Variants in COL7A1 observed in about 807,000 individuals in gnomAD.
COL7A1 encodes collagen alpha-1(VII) chain.
COL7A1 carries 296 observed loss-of-function variants against 456.2 expected under a neutral mutation model. The ratio of observed to expected loss-of-function variants is 0.65; its 90% CI spans 0.59 to 0.71. The LOEUF (loss-of-function observed/expected upper bound fraction) is 0.71. Among genes scored for constraint, COL7A1 ranks in the 30% least tolerant of loss-of-function variants. The pLI is 0.00. For synonymous variants in COL7A1, 1,464 were observed against 1,525.9 expected (o/e 0.96, Z 0.95); for missense variants, 3,441 against 4,017.2 (o/e 0.86, Z 3.88).
chr3:48,594,281 C>T lies in COL7A1; in HGVS notation c.266+87G>A. 2 of 1,513,874 alleles carry T rather than the reference C, an allele frequency of 1.3e-6. No individual in the cohort carries two copies. The highest frequency in any genetic ancestry group is 2.3e-5 in the South Asian group (2 of 87,892). The allele number at this position is 1,513,874 out of a possible 1,614,324, so 93.8% of individuals were successfully genotyped here. ...AAAACTTGTTTCTGCAAAGACCTGG[C>T]CTGGGGTTTCCAGGGTCTCCTCCCT... On this transcript the variant is annotated intron_variant, in intron 3 of 118. Transcript: ENST00000681320. This position sits in a 1 kb window ranked among gnomAD's most constrained non-coding sequence, Gnocchi z 5.5.
chr3:48,566,674 C>T lies in COL7A1; in HGVS notation c.8290G>A (p.Glu2764Lys), dbSNP rs141883531. 1.5e-5 allele frequency: 24 copies of T among 1,614,014 alleles called. No individual in the cohort carries two copies. The highest frequency in any genetic ancestry group is 5.0e-5 in the Admixed American group (3 of 60,000). ...TCCCTACTCACCTGCTCCCCTCTCT[C>T]GCCAGGAGCTCCAGGGACCCCAGGA... ...GAPGVPGAPG[E>K]RGEQGRPGPA... The change falls in exon 112 of 119, where the codon GAG (glutamate) becomes AAG (lysine). Residue 2764 changes from glutamate to lysine, a missense_variant. This residue lies in a region of COL7A1 where 2,084 missense variants were observed against 2,501.3 expected (regional missense o/e 0.83). Coordinates refer to ENST00000681320, the MANE Select transcript of COL7A1 (RefSeq NM_000094.4). This position sits in a 1 kb window ranked among gnomAD's most constrained non-coding sequence, Gnocchi z 5.9.
In COL7A1 at chr3:48,565,582, T is replaced by C. The variant is rs2043568179; in HGVS notation, c.8440+54A>G. The C allele has an allele frequency of 6.2e-6, 10 of 1,613,856 alleles. No homozygotes were observed. The highest frequency in any genetic ancestry group is 8.5e-6 in the Non-Finnish European group (10 of 1,179,900). On this transcript the variant is annotated intron_variant, in intron 115 of 118. Transcript: ENST00000681320. This position sits in a 1 kb window ranked among gnomAD's most constrained non-coding sequence, Gnocchi z 4.5. The stretch of plus-strand genomic sequence containing the variant: ...ACCCCCCTGAGAGGACCCCAGTTGA[T>C]AGGCAGGGCAGGGCCTGGGGTGAAG...
In COL7A1 at chr3:48,573,041, G is replaced by C. The variant is rs772457877; in HGVS notation, c.6730C>G (p.Pro2244Ala). 2.3e-5 allele frequency: 37 copies of C among 1,613,990 alleles called. No homozygotes were observed. In the Admixed American group the frequency reaches 6.2e-4, roughly 27 times the overall value. ...PSGLVGPQGS[P>A]GLPGQVGETG... is the part of the protein sequence containing the mutation. ...CTCACCACTTGTCCAGGCAAACCTG[G>C]AGACCCCTGTGGACCCTGACGGAGA... The change falls in exon 86 of 119, where the codon CCA becomes GCA. Residue 2244 changes from proline to alanine, a missense_variant. Physicochemically the swap from Pro to Ala is conservative, Grantham distance 27 (BLOSUM62 -1). Transcript: ENST00000681320. This position sits in a 1 kb window ranked among gnomAD's most constrained non-coding sequence, Gnocchi z 5.5.
At chr3:48,577,938 C>T (rs370306552) in intron 65 of COL7A1, among the ~76,000 whole-genome samples, 1 of 152,158 alleles carries the variant, frequency 6.6e-6, no homozygotes, top group East Asian at 1.9e-4. Context: ...GAGGCCGAGG[C>T]GGGCGGATCA....
rs1422757569 is a variant in COL7A1 at position 48,589,652 on chromosome 3, C to T, written c.2117G>A (p.Trp706Ter). ...QASSSSVTIT[W>*]TRVPGATGYR... ...TCCTGTGGCGCCAGGAACCCTGGTC[C>T]AGGTAATGGTGACAGATGAGCTGCT... is the stretch of plus-strand genomic sequence containing the variant. Residue 706 changes from tryptophan (W) to a stop codon, truncating the protein, a stop_gained, in exon 17 of 119, where the codon TGG (tryptophan) becomes TAG (stop). Coordinates refer to ENST00000681320, the MANE Select transcript of COL7A1 (RefSeq NM_000094.4). LOFTEE classifies it high-confidence loss of function. The T allele has an allele frequency of 6.2e-7, 1 of 1,613,900 alleles. No homozygotes were observed. The highest frequency in any genetic ancestry group is 8.5e-7 in the Non-Finnish European group (1 of 1,180,020).
Position 48,579,893 on chromosome 3 carries a change from G to A in COL7A1, c.5125-79C>T, listed in dbSNP as rs1331149536. The A allele has an allele frequency of 5.0e-6, 8 of 1,609,658 alleles. No homozygotes were observed. The highest frequency in any genetic ancestry group is 6.8e-6 in the Non-Finnish European group (8 of 1,176,158). ...GGCGAGGGGATACAGGGTCTGTGAGGGGCTCCAGGGATCCGCGGAGGTTTC... is the reference window on the plus strand; with the variant it reads ...GGCGAGGGGATACAGGGTCTGTGAGAGGCTCCAGGGATCCGCGGAGGTTTC... On this transcript the variant is annotated intron_variant, in intron 57 of 118. Coordinates refer to ENST00000681320, the MANE Select transcript of COL7A1 (RefSeq NM_000094.4). This position sits in a 1 kb window ranked among gnomAD's most constrained non-coding sequence, Gnocchi z 4.4.
At position 48,571,066 on chromosome 3, in the gene COL7A1, C is replaced by T; in HGVS notation, c.7164+35G>A. On this transcript the variant is annotated intron_variant, in intron 94 of 118. Coordinates refer to ENST00000681320, the MANE Select transcript of COL7A1 (RefSeq NM_000094.4). This position sits in a 1 kb window ranked among gnomAD's most constrained non-coding sequence, Gnocchi z 4.6. The stretch of plus-strand genomic sequence containing the variant: ...CTTCCTCCTGTGGGGGCCCGGCCTG[C>T]TGCCCCTACAACTGGTGATGGGGCA... 6.2e-7 allele frequency: 1 copy of T among 1,612,632 alleles called. No homozygotes were observed. Among genetic ancestry groups the T allele is most frequent in the Non-Finnish European group, 8.5e-7 (1 of 1,178,832 alleles).
Position 48,594,249 on chromosome 3 carries a change from G to A in COL7A1, c.266+119C>T. 8.2e-7 allele frequency: 1 copy of A among 1,222,376 alleles called. No homozygotes were observed. The highest frequency in any genetic ancestry group is 1.3e-5 in the South Asian group (1 of 74,210). The allele number at this position is 1,222,376 out of a possible 1,614,324, so 75.7% of individuals were successfully genotyped here. On this transcript the variant is annotated intron_variant, in intron 3 of 118. Coordinates refer to ENST00000681320, the MANE Select transcript of COL7A1 (RefSeq NM_000094.4). The surrounding 1 kb of genome is among the most constrained non-coding windows in gnomAD (Gnocchi z 5.5). ...GAGGTCCTGGCTAGGGGGTCTCTAG[G>A]TTCCCCAAAACTTGTTTCTGCAAAG...
chr3:48,565,542 C>T lies in COL7A1; in HGVS notation c.8441-46G>A, dbSNP rs778629867. On this transcript the variant is annotated intron_variant, in intron 115 of 118. Transcript: ENST00000681320. This position sits in a 1 kb window ranked among gnomAD's most constrained non-coding sequence, Gnocchi z 4.5. ...CTCAGGGCCCTGAAGTCACCATGGG[C>T]AGCCATCCCAGCCAACCCCCCTGAG... is the stretch of plus-strand genomic sequence containing the variant. The T allele has an allele frequency of 6.2e-7, 1 of 1,613,544 alleles. No individual in the cohort carries two copies. Among genetic ancestry groups the T allele is most frequent in the Non-Finnish European group, 8.5e-7 (1 of 1,179,502 alleles).
chr3:48,589,257 C>T, intron 18 of COL7A1, 70 bp downstream of exon 18: 4 of 1,603,056 alleles, frequency 2.5e-6, no homozygotes, highest in Non-Finnish European at 2.6e-6. Flanking sequence ...GGCAGCTGGG[C>T]AATCAGGAAC....
Position 48,584,480 on chromosome 3 carries a change from C to G in COL7A1, c.4119+5G>C, listed in dbSNP as rs1355907937. Reference sequence around the variant, plus strand: ...ATCACTTGCCTCCACATACCCTGCACTTACCGATGGTCCAGGGTCCCCTTT... The same window carrying G: ...ATCACTTGCCTCCACATACCCTGCAGTTACCGATGGTCCAGGGTCCCCTTT... On this transcript the variant is annotated splice_donor_5th_base_variant and intron_variant, in intron 36 of 118. Transcript: ENST00000681320. 6.2e-7 allele frequency: 1 copy of G among 1,613,906 alleles called. No individual in the cohort carries two copies. Among genetic ancestry groups the G allele is most frequent in the African/African-American group, 1.3e-5 (1 of 74,898 alleles).
Position 48,566,385 on chromosome 3 carries a change from C to T in COL7A1, c.8359-70G>A, listed in dbSNP as rs1427497224. The T allele has an allele frequency of 8.1e-6, 13 of 1,603,972 alleles. No individual in the cohort carries two copies. Among genetic ancestry groups the T allele is most frequent in the Non-Finnish European group, 1.1e-5 (13 of 1,173,050 alleles). ...CAGGAAGGACATAGGGCACATAATA[C>T]AGGGACTATGGTGAGACTGCATGGA... On this transcript the variant is annotated intron_variant, in intron 113 of 118. Transcript: ENST00000681320. This position sits in a 1 kb window ranked among gnomAD's most constrained non-coding sequence, Gnocchi z 5.9.
chr3:48,568,819 CG>C lies in COL7A1; in HGVS notation c.7722del (p.Leu2576CysfsTer55). The part of the protein sequence containing the change: ...SKGEPGDKGS[A>X]GLPGLRGLLG... ...AGGAGTCCACGCAGTCCTGGCAACC[CG>C]GCTGAGCCCTTGTCACCAGGCTCTC... On this transcript the variant is annotated frameshift_variant, in exon 104 of 119. Coordinates refer to ENST00000681320, the MANE Select transcript of COL7A1 (RefSeq NM_000094.4). LOFTEE classifies it high-confidence loss of function. The surrounding 1 kb of genome is among the most constrained non-coding windows in gnomAD (Gnocchi z 5.2). The C allele has an allele frequency of 6.3e-7, 1 of 1,576,276 alleles. No homozygotes were observed.
At position 48,583,162 on chromosome 3, in the gene COL7A1, C is replaced by G; in HGVS notation, c.4447G>C (p.Gly1483Arg). 6.2e-7 allele frequency: 1 copy of G among 1,613,848 alleles called. No homozygotes were observed. Among genetic ancestry groups the G allele is most frequent in the Non-Finnish European group, 8.5e-7 (1 of 1,179,976 alleles). The change falls in exon 43 of 119, where the codon GGC becomes CGC. Residue 1483 changes from glycine (G) to arginine (R), a missense_variant. Around this residue, in one of 3 missense-constraint regions of COL7A1, gnomAD observed 2,084 missense variants for 2,501.3 expected, o/e 0.83. Coordinates refer to ENST00000681320, the MANE Select transcript of COL7A1 (RefSeq NM_000094.4). The surrounding 1 kb of genome is among the most constrained non-coding windows in gnomAD (Gnocchi z 5.1). The part of the protein sequence containing the change: ...PGAIGPKGDR[G>R]FPGPLGEAGE... ...GCCTCACCCAGGGGCCCTGGAAAGC[C>G]CCGGTCACCCTGAAGAGAGAGGGTG...
Position 48,578,603 on chromosome 3 carries a change from T to C in COL7A1, c.5425-88A>G. On this transcript the variant is annotated intron_variant, in intron 63 of 118. Coordinates refer to ENST00000681320, the MANE Select transcript of COL7A1 (RefSeq NM_000094.4). The surrounding 1 kb of genome is among the most constrained non-coding windows in gnomAD (Gnocchi z 4.7). The stretch of plus-strand genomic sequence containing the variant: ...GGACTAAGAGGACCCCAAAAAGATC[T>C]CCCTCCAGGGTAGAGACCCCCAGGA... 6.9e-7 allele frequency: 1 copy of C among 1,449,770 alleles called. No individual in the cohort carries two copies. The highest frequency in any genetic ancestry group is 9.6e-7 in the Non-Finnish European group (1 of 1,041,050). The allele number at this position is 1,449,770 out of a possible 1,614,324, so 89.8% of individuals were successfully genotyped here.
chr3:48,578,252 G>T lies in COL7A1; in HGVS notation c.5532+69C>A. The T allele has an allele frequency of 1.9e-6, 3 of 1,575,834 alleles. No homozygotes were observed. The highest frequency in any genetic ancestry group is 1.1e-5 in the South Asian group (1 of 89,608). On this transcript the variant is annotated intron_variant, in intron 65 of 118. Transcript: ENST00000681320. This position sits in a 1 kb window ranked among gnomAD's most constrained non-coding sequence, Gnocchi z 4.7. Reference sequence around the variant, plus strand: ...CACGTGTGCCTCATGTGTTGCTACAGATCTTGGCTGTGTAGGTGTGCTGGC... The same window carrying T: ...CACGTGTGCCTCATGTGTTGCTACATATCTTGGCTGTGTAGGTGTGCTGGC...
Position 48,564,111 on chromosome 3 carries a change from G to C in COL7A1, c.*295C>G. ...GCAGCTTTAATGCCCCCCAGAATCA[G>C]CACCATGTCATCACAGGCTTGGGTC... On this transcript the variant is annotated 3_prime_UTR_variant, in exon 119 of 119. Transcript: ENST00000681320. This position sits in a 1 kb window ranked among gnomAD's most constrained non-coding sequence, Gnocchi z 6.0. 1 of 523,808 alleles carries C rather than the reference G, an allele frequency of 1.9e-6. No homozygotes were observed. Among genetic ancestry groups the C allele is most frequent in the Non-Finnish European group, 3.5e-6 (1 of 286,316 alleles). 32.4% of individuals were successfully genotyped at this position (523,808 alleles called of 1,614,324 possible).
chr3:48,576,378 GTGGAA>G lies in COL7A1; in HGVS notation c.5772+17_5772+21del. On this transcript the variant is annotated intron_variant, in intron 70 of 118. Coordinates refer to ENST00000681320, the MANE Select transcript of COL7A1 (RefSeq NM_000094.4). Reference sequence around the variant, plus strand: ...GTGGGTGCTGTGGCTACCTGGGCATGTGGAAAAGGTGGGGGCCTCACCTGCTCCCC... The same window carrying G: ...GTGGGTGCTGTGGCTACCTGGGCATGAAGGTGGGGGCCTCACCTGCTCCCC... 6.2e-7 allele frequency: 1 copy of G among 1,613,910 alleles called. No individual in the cohort carries two copies. Among genetic ancestry groups the G allele is most frequent in the Non-Finnish European group, 8.5e-7 (1 of 1,180,024 alleles).
At position 48,592,163 on chromosome 3, in the gene COL7A1, C is replaced by G. The variant is rs1401785974; in HGVS notation, c.1179G>C (p.Val393=). The G allele has an allele frequency of 5.0e-6, 8 of 1,614,124 alleles. No homozygotes were observed. The South Asian group carries it at 8.8e-5, about 18-fold the overall frequency. The change falls in exon 10 of 119, where the codon GTG becomes GTC. Residue 393 remains valine, a synonymous_variant. Transcript: ENST00000681320. This position sits in a 1 kb window ranked among gnomAD's most constrained non-coding sequence, Gnocchi z 7.6. ...RDLEPGTDYE[V]TVSTLFGRSV... is the part of the protein sequence containing the mutation. ...TGCGGCCAAATAGGGTGCTCACGGTCACCTCATAGTCCGTGCCAGGCTCCA... is the reference window on the plus strand; with the variant it reads ...TGCGGCCAAATAGGGTGCTCACGGTGACCTCATAGTCCGTGCCAGGCTCCA...
Sources: allele counts gnomAD v4.1 joint callset (sites outside exome capture counted in the v4.1 genomes callset), GRCh38; gene constraint gnomAD v4.1.1; regional missense constraint gnomAD v4.1.1; non-coding constraint Gnocchi (gnomAD v3.1); transcripts MANE v1.5; gene names NCBI Gene and HGNC (gene_info 2026-07-23, HGNC 2026-07-21).